ITIH3: variants seen among roughly 807,000 people sequenced by gnomAD.
ITIH3 encodes the protein inter-alpha-trypsin inhibitor heavy chain 3, also known as inter-alpha-trypsin inhibitor heavy chain H3.
ITIH3 carries 81 observed loss-of-function variants against 96.5 expected under a neutral mutation model. The observed-to-expected ratio is 0.84, with a 90% confidence interval of 0.70 to 1.01. The LOEUF (loss-of-function observed/expected upper bound fraction) is 1.01, where lower values mean the gene tolerates loss of function less well. Among genes scored for constraint, ITIH3 ranks in the 50% least tolerant of loss-of-function variants. The probability of loss-of-function intolerance (pLI) is 0.00; values close to 1 mark genes in which losing one functional copy is unlikely to be tolerated. For missense variants in ITIH3, 1,057 were observed against 1,139.3 expected, an observed-to-expected ratio of 0.93 and a Z score of 1.04; for synonymous variants, 422 against 445.2, an observed-to-expected ratio of 0.95 and a Z score of 0.66.
chr3:52,802,300 G>C, intron 11 of ITIH3, 34 bp from the exon 12 acceptor site: 1 of 1,609,170 alleles, frequency 6.2e-7, no homozygotes, highest in Non-Finnish European at 8.5e-7. Flanking sequence ...GCCTGACCTG[G>C]GGCTTGAGAT....
intron 10 of ITIH3, 62 bp downstream of exon 10, chr3:52,800,725 T>C: frequency 6.4e-7 from 1 of 1,568,862 alleles, no homozygotes; most frequent in Non-Finnish European, 8.6e-7. Context: ...CTCCTGGCTC[T>C]GTAGCTGGCT....
intron 10 of ITIH3, 59 bp downstream of exon 10, chr3:52,800,722 C>A: frequency 6.4e-7 from 1 of 1,573,222 alleles, no homozygotes; most frequent in Non-Finnish European, 8.6e-7. Flanking sequence ...CTGCTCCTGG[C>A]TCTGTAGCTG....
At position 52,799,067 on chromosome 3, in the gene ITIH3, C is replaced by A; in HGVS notation, c.765C>A (p.Asn255Lys). The A allele has an allele frequency of 6.2e-7, 1 of 1,613,508 alleles. No individual in the cohort carries two copies. Among genetic ancestry groups the A allele is most frequent in the Non-Finnish European group, 8.5e-7 (1 of 1,179,686 alleles). Reference sequence around the variant, plus strand: ...ATTTCACTATCACCTATGACGTGAACAGAGAATCTCCTGGCAACGTGCAGG... The same window carrying A: ...ATTTCACTATCACCTATGACGTGAAAAGAGAATCTCCTGGCAACGTGCAGG... ...NGDFTITYDVNRESPGNVQIV... is the reference protein window; with the variant it reads ...NGDFTITYDVKRESPGNVQIV... The change falls in exon 7 of 22, where the codon AAC (asparagine) becomes AAA (lysine). Residue 255 changes from asparagine to lysine, a missense_variant. Transcript: ENST00000449956.
At chr3:52,801,693 C>A (rs77818274) in intron 11 of ITIH3, among the ~76,000 whole-genome samples, 2,297 of 152,282 alleles carry the variant, frequency 0.015, 72 homozygotes, top group African/African-American at 0.052. Context: ...TTAATAAGGA[C>A]ATCAATCATA....
Position 52,796,746 on chromosome 3 carries a change from G to A in ITIH3, c.289G>A (p.Asp97Asn), listed in dbSNP as rs769216560. The A allele has an allele frequency of 1.3e-5, 21 of 1,611,266 alleles. No homozygotes were observed. In the Admixed American group the frequency reaches 1.3e-4, roughly 10 times the overall value. ...AFITNFTLTI[D>N]GVTYPGNVKE... ...AACTCTCTTTCCCTGCAGGACCATC[G>A]ACGGTGTTACCTACCCTGGGAATGT... The change falls in exon 4 of 22, where the codon GAC becomes AAC. Residue 97 changes from aspartate to asparagine, a missense_variant. Transcript: ENST00000449956.
intron 13 of ITIH3, among the ~76,000 whole-genome samples, chr3:52,803,419 C>T (rs376034811): frequency 1.8e-4 from 27 of 151,158 alleles, no homozygotes; most frequent in Middle Eastern, 3.4e-3. Context: ...CCCGGGTTCA[C>T]GCCATTCTCC....
chr3:52,799,902 G>A lies in ITIH3; in HGVS notation c.1056G>A (p.Lys352=), dbSNP rs568928822. ...ENLQEARTFV[K]SMEDKGMTNI... is the part of the protein sequence containing the mutation. ...TCCAGGAGGCCAGGACGTTTGTGAA[G>A]AGCATGGAGGATAAAGGAAGTAAGA... Residue 352 remains lysine (K), a synonymous_variant, in exon 9 of 22, where the codon AAG becomes AAA. Coordinates refer to ENST00000449956, the MANE Select transcript of ITIH3 (RefSeq NM_002217.4). The A allele has an allele frequency of 3.1e-6, 5 of 1,613,784 alleles. No homozygotes were observed. Among genetic ancestry groups the A allele is most frequent in the South Asian group, 1.1e-5 (1 of 91,052 alleles).
rs1193110445 is a variant in ITIH3 at position 52,796,470 on chromosome 3, C to T, written c.115-11C>T. On this transcript the variant is annotated splice_polypyrimidine_tract_variant and intron_variant, in intron 2 of 21. Coordinates refer to ENST00000449956, the MANE Select transcript of ITIH3 (RefSeq NM_002217.4). ...CCCAGTCTGGCTGATTCTCCACCCA[C>T]CTCCCCAAAGGTGGCCAATGGCATC... The T allele has an allele frequency of 1.9e-6, 3 of 1,607,830 alleles. No homozygotes were observed. The highest frequency in any genetic ancestry group is 2.7e-5 in the African/African-American group (2 of 74,778).
rs1038075213 is a variant in ITIH3, at chr3:52,805,299, CCATTTGGACTGGCA to C, written c.1874-496_1874-483del. The C allele has an allele frequency of 3.4e-5, 34 of 1,007,722 alleles. No homozygotes were observed. The East Asian group carries it at 4.2e-4, about 12-fold the overall frequency. The allele number at this position is 1,007,722 out of a possible 1,614,324, so 62.4% of individuals were successfully genotyped here. Reference sequence around the variant, plus strand: ...CAGCCCCTACTGGCCTGCCCCACCTCCATTTGGACTGGCACATTTGGACTGGGCCATCACATTCC... The same window carrying C: ...CAGCCCCTACTGGCCTGCCCCACCTCCATTTGGACTGGGCCATCACATTCC... On this transcript the variant is annotated intron_variant, in intron 15 of 21. Coordinates refer to ENST00000449956, the MANE Select transcript of ITIH3 (RefSeq NM_002217.4).
intron 15 of ITIH3, 143 bp from the exon 16 acceptor site, chr3:52,805,665 A>T: frequency 1.3e-6 from 2 of 1,497,240 alleles, no homozygotes; most frequent in Non-Finnish European, 1.8e-6. Flanking sequence ...TCCAAAGCCT[A>T]ATCTTTGTAG....
Position 52,803,861 on chromosome 3 carries a change from C to G in ITIH3, c.1716C>G (p.Asn572Lys). 2.5e-6 allele frequency: 4 copies of G among 1,613,916 alleles called. No homozygotes were observed. The highest frequency in any genetic ancestry group is 2.5e-6 in the Non-Finnish European group (3 of 1,179,856). The change falls in exon 14 of 22, where the codon AAC becomes AAG. Residue 572 changes from asparagine to lysine, a missense_variant. Asn to Lys is a moderately conservative substitution (Grantham distance 94, BLOSUM62 0). Transcript: ENST00000449956. ...TIEQLLEKRKNAHGEEKENLT... is the reference protein window; with the variant it reads ...TIEQLLEKRKKAHGEEKENLT... ...GACTGGCCCCTCCTCACAGCAAGAA[C>G]GCCCATGGCGAGGAGAAGGAGAACC...
chr3:52,795,760 C>A, intron 2 of ITIH3, 137 bp downstream of exon 2: 1 of 783,438 alleles, frequency 1.3e-6, no homozygotes, highest in South Asian at 1.8e-5. Flanking sequence ...GCCCTGGCAG[C>A]CTCCAACAGC....
At position 52,800,990 on chromosome 3, in the gene ITIH3, A is replaced by C. The variant is rs1364917837; in HGVS notation, c.1227A>C (p.Gln409His). 1.2e-6 allele frequency: 2 copies of C among 1,614,070 alleles called. No homozygotes were observed. The highest frequency in any genetic ancestry group is 1.7e-6 in the Non-Finnish European group (2 of 1,179,908). ...GTGAGAGCAGACCCGAAAAAATCCA[A>C]GAGAATGTGCGGAATGCCATCGGGG... ...NVGESRPEKI[Q>H]ENVRNAIGGK... is the part of the protein sequence containing the mutation. Residue 409 changes from glutamine (Q) to histidine (H), a missense_variant, in exon 11 of 22, where the codon CAA (glutamine) becomes CAC (histidine). Physicochemically the swap from Gln to His is conservative, Grantham distance 24 (BLOSUM62 0). Transcript: ENST00000449956.
chr3:52,806,092 T>C lies in ITIH3; in HGVS notation c.1907-11T>C. 6.3e-7 allele frequency: 1 copy of C among 1,596,462 alleles called. No homozygotes were observed. Among genetic ancestry groups the C allele is most frequent in the Non-Finnish European group, 8.5e-7 (1 of 1,171,406 alleles). Reference sequence around the variant, plus strand: ...TGCTTAGCTCAGCCCTCTCTCCCTTTGTATCTGCAGCCAGCTACCAGCCTC... The same window carrying C: ...TGCTTAGCTCAGCCCTCTCTCCCTTCGTATCTGCAGCCAGCTACCAGCCTC... On this transcript the variant is annotated splice_polypyrimidine_tract_variant and intron_variant, in intron 16 of 21. Transcript: ENST00000449956.
At position 52,807,851 on chromosome 3, in the gene ITIH3, G is replaced by A. The variant is rs79111339; in HGVS notation, c.2366G>A (p.Arg789His). 589 of 1,611,636 alleles carry A rather than the reference G, an allele frequency of 3.7e-4. 3 individuals are homozygous for A. The East Asian group carries it at 6.8e-3, about 18-fold the overall frequency. ...GTGTGGAAGAAACATCCTGTCCACC[G>A]TGACTTTCTAGGCTTCTACGTGGTG... ...HQVWKKHPVH[R>H]DFLGFYVVDS... Residue 789 changes from arginine (R) to histidine (H), a missense_variant, in exon 20 of 22, where the codon CGT becomes CAT. Arg to His is a conservative substitution (Grantham distance 29). Transcript: ENST00000449956.
intron 13 of ITIH3, 119 bp downstream of exon 13, chr3:52,802,925 G>A: frequency 1.6e-6 from 2 of 1,215,582 alleles, no homozygotes; most frequent in Non-Finnish European, 2.3e-6. Flanking sequence ...GGAAGTGTCT[G>A]TAGAGCAGTC....
intron 2 of ITIH3, chr3:52,795,853 A>T: frequency 1.9e-6 from 1 of 536,868 alleles, no homozygotes; most frequent in East Asian, 3.1e-5. Flanking sequence ...CCTCACAGGC[A>T]TCCCTTCCTT....
chr3:52,799,351 G>T, intron 7 of ITIH3, 21 bp from the exon 8 acceptor site: 2 of 1,548,480 alleles, frequency 1.3e-6, no homozygotes, highest in Non-Finnish European at 1.8e-6. Context: ...ACCGGCCTCC[G>T]TCCCTCTCCC....
At chr3:52,805,440 A>G (rs151020060) in intron 15 of ITIH3, 4 of 1,075,474 alleles carry the variant, frequency 3.7e-6, no homozygotes, top group African/African-American at 3.3e-5. Context: ...GGTGTTTACT[A>G]TCAAGAAGCA....
Sources: gnomAD v4.1 joint callset for allele counts (sites outside exome capture counted in the v4.1 genomes callset) on GRCh38, gnomAD v4.1.1 for gene constraint, MANE v1.5 for transcripts, NCBI Gene and HGNC (gene_info 2026-07-23, HGNC 2026-07-21) for gene names.